Variants in CCL26 observed in about 807,000 individuals in gnomAD.
CCL26 encodes C-C motif chemokine 26.
In CCL26, 10 loss-of-function variants were observed where a neutral mutation model predicts 10.7. The ratio of observed to expected loss-of-function variants is 0.93; its 90% CI spans 0.57 to 1.58. CCL26 has a LOEUF of 1.58. CCL26 is among the 40% of genes most tolerant of loss of function. The pLI is 0.00. For missense variants in CCL26, 116 were observed against 111.0 expected, an observed-to-expected ratio of 1.05 and a Z score of -0.20; for synonymous variants, 43 against 41.4, an observed-to-expected ratio of 1.04 and a Z score of -0.15.
upstream of CCL26, chr7:75,772,342 A>T (rs1802843018): frequency 4.1e-5 from 25 of 614,228 alleles, 1 homozygote; most frequent in Middle Eastern, 8.8e-4. Flanking sequence ...TACTCATAGG[A>T]ATGAAATTAG....
At chr7:75,789,126 C>T (rs1402733686) in intron 1 of CCL26, among the ~76,000 whole-genome samples, 10 of 123,816 alleles carry the variant, frequency 8.1e-5, no homozygotes, top group African/African-American at 1.9e-4. Context: ...AGAGATGTGG[C>T]GGGCGGGGGG....
chr7:75,778,290 T>C (rs549669556), intron 1 of CCL26, among the ~76,000 whole-genome samples: 1 of 152,140 alleles, frequency 6.6e-6, no homozygotes, highest in South Asian at 2.1e-4. Flanking sequence ...GGCACGATCA[T>C]AGCTCACTGC....
upstream of CCL26, chr7:75,790,009 C>CCTCA: frequency 7.1e-6 from 1 of 141,210 alleles, no homozygotes; most frequent in Non-Finnish European, 1.5e-5. Flanking sequence ...TCCCTCCCTC[C>CCTCA]CTCCCTCCCT....
intron 1 of CCL26, among the ~76,000 whole-genome samples, chr7:75,785,915 T>C (rs1452339756): frequency 2.0e-5 from 3 of 152,216 alleles, no homozygotes; most frequent in East Asian, 3.8e-4. Context: ...AACTTGACCT[T>C]GCTGTTTTAG....
upstream of CCL26, among the ~76,000 whole-genome samples, chr7:75,790,206 TCTTTCTTTCTTTCTTC>T (rs1365074075): frequency 6.0e-5 from 7 of 116,582 alleles, no homozygotes; most frequent in African/African-American, 2.0e-4. Flanking sequence ...TTTCTTTCTT[TCTTTCTTTCTTTCTTC>T]CTTCCTTCCT....
At chr7:75,790,187 C>CTT (rs1390367024), upstream of CCL26, among the ~76,000 whole-genome samples, 3 of 80,036 alleles carry the variant, frequency 3.7e-5, no homozygotes, top group East Asian at 9.5e-4. Flanking sequence ...TCCTTTCTTT[C>CTT]TTTCTTTCTT....
At chr7:75,779,601 G>C (rs1043538426) in intron 1 of CCL26, among the ~76,000 whole-genome samples, 1 of 152,126 alleles carries the variant, frequency 6.6e-6, no homozygotes, top group Non-Finnish European at 1.5e-5. Flanking sequence ...AAGGAGATGC[G>C]TTTTATCCGT....
At chr7:75,787,106 T>G (rs2115695247) in intron 1 of CCL26, among the ~76,000 whole-genome samples, 1 of 152,256 alleles carries the variant, frequency 6.6e-6, no homozygotes, top group Admixed American at 6.5e-5. Flanking sequence ...GTAGACACTT[T>G]CACTGGATGG....
At chr7:75,790,178 C>CCTTCCTTCCTTCCTTCCTTT (rs60788546), upstream of CCL26, among the ~76,000 whole-genome samples, 4 of 44,346 alleles carry the variant, frequency 9.0e-5, no homozygotes, top group Admixed American at 2.3e-4. Context: ...TTCCTTCCTT[C>CCTTCCTTCCTTCCTTCCTTT]CTTTCTTTCT....
At chr7:75,777,547 A>T (rs1207604701) in intron 1 of CCL26, among the ~76,000 whole-genome samples, 1 of 151,862 alleles carries the variant, frequency 6.6e-6, no homozygotes, top group African/African-American at 2.4e-5. Context: ...CAGTAGTTGG[A>T]GACAAGCCTG....
upstream of CCL26, among the ~76,000 whole-genome samples, chr7:75,775,841 AG>A (rs111304642): frequency 0.29 from 44,463 of 150,872 alleles, 7,088 homozygotes; most frequent in African/African-American, 0.43. Flanking sequence ...TCCTTTTTTT[AG>A]TTTTTTTTTT....
chr7:75,783,906 G>A lies in CCL26; in HGVS notation c.-79+5811C>T, dbSNP rs190571581. 4.5e-3 allele frequency among the ~76,000 whole-genome samples: 686 copies of A among 152,098 alleles called. 6 individuals are homozygous for A. Among genetic ancestry groups the A allele is most frequent in the African/African-American group, 0.016 (646 of 41,482 alleles). On this transcript the variant is annotated intron_variant, in intron 1 of 3. Coordinates refer to the CCL26 transcript ENST00000394905. The stretch of plus-strand genomic sequence containing the variant: ...CTACACCCTGAAAGGTCAGAAGTCC[G>A]TCTTATTCTCAATATACATTTTATT...
upstream of CCL26, among the ~76,000 whole-genome samples, chr7:75,775,122 A>C (rs1802909643): frequency 6.6e-6 from 1 of 151,546 alleles, no homozygotes; most frequent in Non-Finnish European, 1.5e-5. Flanking sequence ...TGGGAGGATG[A>C]GGCAGGAGTA....
intron 1 of CCL26, chr7:75,789,678 AC>A (rs1446652132): frequency 2.0e-4 from 28 of 138,294 alleles, no homozygotes; most frequent in African/African-American, 7.2e-4. Flanking sequence ...CCAAACCCCA[AC>A]CTGGCAGGTT....
intron 1 of CCL26, among the ~76,000 whole-genome samples, chr7:75,777,721 GAAAAAAAA>G (rs60039632): frequency 6.6e-5 from 4 of 60,552 alleles, no homozygotes; most frequent in African/African-American, 2.8e-4. Context: ...TCCTGTCTCA[GAAAAAAAA>G]AAAAAAAAAA....
rs1412209280 is a variant in CCL26 at position 75,769,807 on chromosome 7, G to A, written c.189-18C>T. ...TAGTGAATCTGTGAAAAAGAGACACGGATAAGTCAATATTGAGACTCTTTG... is the reference window on the plus strand; with the variant it reads ...TAGTGAATCTGTGAAAAAGAGACACAGATAAGTCAATATTGAGACTCTTTG... On this transcript the variant is annotated intron_variant, in intron 2 of 2. Coordinates refer to ENST00000005180, the MANE Select transcript of CCL26 (RefSeq NM_001371938.1). The A allele has an allele frequency of 8.7e-6, 13 of 1,490,678 alleles. No individual in the cohort carries two copies. Among genetic ancestry groups the A allele is most frequent in the East Asian group, 6.8e-5 (3 of 44,290 alleles). The allele number at this position is 1,490,678 out of a possible 1,614,324, so 92.3% of individuals were successfully genotyped here. A position where few individuals can be genotyped will look rare whatever the true frequency, so the allele number is the denominator to read the frequency against.
intron 1 of CCL26, among the ~76,000 whole-genome samples, chr7:75,778,408 GTT>G (rs369917697): frequency 1.4e-4 from 20 of 138,512 alleles, no homozygotes; most frequent in Admixed American, 3.6e-4. Context: ...TTTTGGTGTG[GTT>G]TTTTTTTTTT....
At chr7:75,782,097 A>G (rs1195451253) in intron 1 of CCL26, among the ~76,000 whole-genome samples, 1 of 151,444 alleles carries the variant, frequency 6.6e-6, no homozygotes, top group Non-Finnish European at 1.5e-5. Flanking sequence ...GCCTCTTTTT[A>G]CTCTCTTCTC....
chr7:75,778,238 T>C (rs1340693718), intron 1 of CCL26, among the ~76,000 whole-genome samples: 2 of 151,914 alleles, frequency 1.3e-5, no homozygotes, highest in Non-Finnish European at 2.9e-5. Context: ...TTTGTTCTAA[T>C]TGAGACATGG....
Sources: gnomAD v4.1 joint callset for allele counts (sites outside exome capture counted in the v4.1 genomes callset) on GRCh38, gnomAD v4.1.1 for gene constraint, MANE v1.5 for transcripts, NCBI Gene and HGNC (gene_info 2026-07-23, HGNC 2026-07-21) for gene names.